Variants in LRRC40 observed in about 807,000 individuals in gnomAD.
LRRC40 encodes the protein leucine rich repeat containing 40, also known as leucine-rich repeat-containing protein 40.
LRRC40 carries 76 observed loss-of-function variants against 72.8 expected under a neutral mutation model. The observed-to-expected ratio is 1.04, with a 90% CI of 0.87 to 1.26. The LOEUF is 1.26. LRRC40 is among the 50% of genes most tolerant of loss of function. The probability of loss-of-function intolerance (pLI) is 0.00; values close to 1 mark genes in which losing one functional copy is unlikely to be tolerated. For missense variants in LRRC40, 684 were observed against 698.9 expected (o/e 0.98, Z 0.24); for synonymous variants, 243 against 254.2 (o/e 0.96, Z 0.42).
chr1:70,198,326 A>G (rs961943018), intron 1 of LRRC40, among the ~76,000 whole-genome samples: 2 of 152,222 alleles, frequency 1.3e-5, no homozygotes, highest in Non-Finnish European at 2.9e-5. Context: ...CTTTCAGATC[A>G]ACAGTGCAGT....
intron 9 of LRRC40, among the ~76,000 whole-genome samples, chr1:70,161,089 ATT>A (rs772206688): frequency 1.4e-5 from 2 of 142,296 alleles, no homozygotes; most frequent in Admixed American, 7.0e-5. Flanking sequence ...ATATCTCATT[ATT>A]TTTTTTTTTT....
intron 1 of LRRC40, among the ~76,000 whole-genome samples, chr1:70,196,052 C>A (rs1311121347): frequency 6.6e-6 from 1 of 151,902 alleles, no homozygotes; most frequent in East Asian, 1.9e-4. Flanking sequence ...CTTATCTCAC[C>A]ACTGTCCAAG....
chr1:70,177,594 T>C (rs1158309001), intron 6 of LRRC40, among the ~76,000 whole-genome samples: 1 of 152,192 alleles, frequency 6.6e-6, no homozygotes, highest in East Asian at 1.9e-4. Context: ...GTGCCACTAG[T>C]GATGCTGAAA....
rs537406694 is a variant in LRRC40, at chr1:70,182,860, C to G, written c.538-1651G>C. ...GATACTGAGTCTGTAGAACACAATT[C>G]TGAAATGAAACATTCTTTCATTATG... On this transcript the variant is annotated intron_variant, in intron 4 of 14. Coordinates refer to ENST00000370952, the MANE Select transcript of LRRC40 (RefSeq NM_017768.5). Among the ~76,000 whole-genome samples, 4 of 152,172 alleles carry G rather than the reference C, an allele frequency of 2.6e-5. No homozygotes were observed. The South Asian group carries it at 8.3e-4, about 32-fold the overall frequency.
chr1:70,181,307 A>G lies in LRRC40; in HGVS notation c.538-98T>C, dbSNP rs184583872. ...TTCAAATTTTTGAAGGAATTACAAC[A>G]TAAAAGAGACTACTTAAGATGTGAT... On this transcript the variant is annotated intron_variant, in intron 4 of 14. Transcript: ENST00000370952. 7.6e-4 allele frequency: 507 copies of G among 670,124 alleles called. 1 individual carries two copies. In the African/African-American group the frequency reaches 8.8e-3, roughly 12 times the overall value. The allele number at this position is 670,124 out of a possible 1,614,324, so 41.5% of individuals were successfully genotyped here.
intron 13 of LRRC40, 122 bp from the exon 14 acceptor site, chr1:70,148,794 G>C: frequency 1.9e-6 from 1 of 518,770 alleles, no homozygotes; most frequent in Non-Finnish European, 3.2e-6. Flanking sequence ...TCTGTAATTG[G>C]CATTAAGTCC....
At chr1:70,169,441 ATAAT>A (rs1244444994) in intron 9 of LRRC40, among the ~76,000 whole-genome samples, 3 of 152,214 alleles carry the variant, frequency 2.0e-5, no homozygotes, top group African/African-American at 4.8e-5. Flanking sequence ...AAGGAAATAA[ATAAT>A]TAGAGTGTTA....
chr1:70,187,303 A>T lies in LRRC40; in HGVS notation c.369T>A (p.Ala123=). ...TCTGAAGATTTTCTAGCTCTCTTATAGCAGAAGGAAGGGATGTCAACTGAT... is the reference window on the plus strand; with the variant it reads ...TCTGAAGATTTTCTAGCTCTCTTATTGCAGAAGGAAGGGATGTCAACTGAT... ...HDNQLTSLPS[A]IRELENLQKL... The change falls in exon 3 of 15, where the codon GCT becomes GCA. Residue 123 remains alanine, a synonymous_variant. Transcript: ENST00000370952. 6.3e-7 allele frequency: 1 copy of T among 1,588,122 alleles called. No homozygotes were observed. The highest frequency in any genetic ancestry group is 1.1e-5 in the South Asian group (1 of 89,026).
chr1:70,187,206 A>G, intron 3 of LRRC40, 59 bp downstream of exon 3: 1 of 781,458 alleles, frequency 1.3e-6, no homozygotes, highest in South Asian at 1.6e-5. Flanking sequence ...AAATTTAAAG[A>G]ATATTAGATT....
chr1:70,184,676 A>C, intron 4 of LRRC40, 109 bp downstream of exon 4: 1 of 1,041,414 alleles, frequency 9.6e-7, no homozygotes, highest in Non-Finnish European at 1.4e-6. Flanking sequence ...CTAATCACAA[A>C]ATCAGCTGTC....
intron 9 of LRRC40, among the ~76,000 whole-genome samples, chr1:70,168,797 A>G (rs1198271165): frequency 2.6e-5 from 4 of 152,212 alleles, no homozygotes; most frequent in African/African-American, 9.7e-5. Context: ...ATGGAAATTT[A>G]ACAACATATC....
At chr1:70,158,837 T>C (rs369704534) in intron 10 of LRRC40, among the ~76,000 whole-genome samples, 4 of 152,300 alleles carry the variant, frequency 2.6e-5, no homozygotes, top group South Asian at 4.1e-4. Flanking sequence ...TGCTGATTAC[T>C]GAGTCAAAGA....
intron 4 of LRRC40, among the ~76,000 whole-genome samples, chr1:70,183,774 G>T (rs994095916): frequency 7.2e-5 from 11 of 151,838 alleles, no homozygotes; most frequent in African/African-American, 2.7e-4. Flanking sequence ...GGCTGGTCTC[G>T]AACTCCTGGG....
At chr1:70,201,917 C>T (rs1022090640) in intron 1 of LRRC40, among the ~76,000 whole-genome samples, 2 of 152,056 alleles carry the variant, frequency 1.3e-5, no homozygotes, top group South Asian at 4.2e-4. Context: ...GCAGAGGTTG[C>T]GGTGAGCTGA....
chr1:70,181,685 T>C (rs1342903415), intron 4 of LRRC40, among the ~76,000 whole-genome samples: 2 of 151,974 alleles, frequency 1.3e-5, no homozygotes, highest in Non-Finnish European at 2.9e-5. Context: ...GCCATTCAAA[T>C]TTTTGAGGAA....
At chr1:70,154,166 T>A (rs1364951495) in intron 11 of LRRC40, among the ~76,000 whole-genome samples, 3 of 152,150 alleles carry the variant, frequency 2.0e-5, no homozygotes, top group Non-Finnish European at 4.4e-5. Flanking sequence ...GTGAAAAGCA[T>A]GAATTGTTCA....
intron 13 of LRRC40, among the ~76,000 whole-genome samples, chr1:70,148,945 T>C (rs1362232093): frequency 6.6e-6 from 1 of 152,150 alleles, no homozygotes; most frequent in Non-Finnish European, 1.5e-5. Flanking sequence ...CCCAGTAAAT[T>C]TTTCTGTTCA....
In LRRC40 at chr1:70,145,920, G is replaced by T; in HGVS notation, c.1704-15C>A. On this transcript the variant is annotated splice_polypyrimidine_tract_variant and intron_variant, in intron 14 of 14. Transcript: ENST00000370952. ...GTAGTAATGTTCTAAACAAAAGAGA[G>T]AAATTGAGAATGTAAACATTTTCCA... 1 of 1,271,792 alleles carries T rather than the reference G, an allele frequency of 7.9e-7. No homozygotes were observed. Among genetic ancestry groups the T allele is most frequent in the Non-Finnish European group, 1.1e-6 (1 of 888,498 alleles). The allele number at this position is 1,271,792 out of a possible 1,614,324, so 78.8% of individuals were successfully genotyped here. A position where few individuals can be genotyped will look rare whatever the true frequency, so the allele number is the denominator to read the frequency against.
At chr1:70,176,664 G>A (rs957263320) in intron 6 of LRRC40, among the ~76,000 whole-genome samples, 2 of 151,626 alleles carry the variant, frequency 1.3e-5, no homozygotes, top group East Asian at 3.9e-4. Context: ...TTGATATTAT[G>A]CAGTTGGTCC....
Sources: allele counts gnomAD v4.1 joint callset (sites outside exome capture counted in the v4.1 genomes callset), GRCh38; gene constraint gnomAD v4.1.1; transcripts MANE v1.5; gene names NCBI Gene and HGNC (gene_info 2026-07-23, HGNC 2026-07-21).